MPRIP: variants seen among roughly 807,000 people sequenced by gnomAD.
MPRIP encodes myosin phosphatase Rho-interacting protein.
MPRIP carries 59 observed loss-of-function variants against 234.9 expected under a neutral mutation model. The ratio of observed to expected loss-of-function variants is 0.25; its 90% confidence interval spans 0.20 to 0.31. The LOEUF is 0.31. MPRIP is among the 10% of genes least tolerant of loss of function. The pLI, the probability that MPRIP is intolerant of heterozygous loss-of-function variation, is 1.00. For synonymous variants in MPRIP, 1,144 were observed against 1,263.9 expected (o/e 0.91, Z 2.01); for missense variants, 2,436 against 3,071.0 (o/e 0.79, Z 4.89).
intron 3 of MPRIP, among the ~76,000 whole-genome samples, chr17:17,094,616 ACTGT>A (rs1202154248): frequency 9.1e-5 from 11 of 121,388 alleles, no homozygotes; most frequent in Non-Finnish European, 1.9e-4. Flanking sequence ...TCCTCTCTTC[ACTGT>A]CTTTTTTTTT....
rs189179692 is a variant in MPRIP, at chr17:17,094,050, C to A, written c.267+15974C>A. ...TGACCTTCCCCATCATCCTGGGAAG[C>A]CTCTCTCTCTTTCTCTCTCTCTCTT... On this transcript the variant is annotated intron_variant, in intron 3 of 23. Transcript: ENST00000651222. Among the ~76,000 whole-genome samples, 322 of 152,232 alleles carry A rather than the reference C, an allele frequency of 2.1e-3. 2 individuals are homozygous for A. Among genetic ancestry groups the A allele is most frequent in the Non-Finnish European group, 2.9e-3 (194 of 68,014 alleles).
At chr17:17,174,947 A>G (rs1049481900) in intron 19 of MPRIP, among the ~76,000 whole-genome samples, 2 of 152,210 alleles carry the variant, frequency 1.3e-5, no homozygotes, top group African/African-American at 4.8e-5. Context: ...CCTGCCCTGC[A>G]CAAACACCCC....
At chr17:17,111,520 A>G (rs377306006) in intron 3 of MPRIP, among the ~76,000 whole-genome samples, 2 of 152,272 alleles carry the variant, frequency 1.3e-5, no homozygotes, top group Admixed American at 6.5e-5. Context: ...CTGTGTGTCC[A>G]GGGGGGTCTC....
chr17:17,062,380 C>T (rs1441388781), intron 1 of MPRIP, among the ~76,000 whole-genome samples: 1 of 152,192 alleles, frequency 6.6e-6, no homozygotes, highest in Non-Finnish European at 1.5e-5. Flanking sequence ...AAGCAAAAGC[C>T]CCCAAACCTG....
intron 12 of MPRIP, among the ~76,000 whole-genome samples, chr17:17,151,105 C>T (rs924756118): frequency 4.0e-5 from 6 of 151,766 alleles, no homozygotes; most frequent in East Asian, 1.9e-4. Context: ...CCCTGGGCTC[C>T]AGCGATCCAC....
intron 12 of MPRIP, among the ~76,000 whole-genome samples, chr17:17,153,433 C>A (rs1172305751): frequency 6.6e-6 from 1 of 152,022 alleles, no homozygotes; most frequent in Non-Finnish European, 1.5e-5. Flanking sequence ...GCCTCCAGCT[C>A]CATGCAGGCC....
intron 3 of MPRIP, among the ~76,000 whole-genome samples, chr17:17,092,273 G>C (rs1256847040): frequency 6.6e-6 from 1 of 152,216 alleles, no homozygotes; most frequent in African/African-American, 2.4e-5. Context: ...TCTTTCTCAT[G>C]GTCTGAGGCG....
At chr17:17,068,313 G>A (rs1315929786) in intron 1 of MPRIP, among the ~76,000 whole-genome samples, 2 of 151,888 alleles carry the variant, frequency 1.3e-5, no homozygotes, top group East Asian at 3.9e-4. Context: ...ACTACGCCCG[G>A]CTAATTTTAT....
chr17:17,065,140 C>T (rs2088982461), intron 1 of MPRIP, among the ~76,000 whole-genome samples: 1 of 152,026 alleles, frequency 6.6e-6, no homozygotes, highest in Non-Finnish European at 1.5e-5. Flanking sequence ...TGTGTTTTCA[C>T]TATTGAGTTT....
intron 3 of MPRIP, among the ~76,000 whole-genome samples, chr17:17,108,165 G>C (rs574977874): frequency 1.4e-4 from 21 of 152,308 alleles, no homozygotes; most frequent in Non-Finnish European, 2.4e-4. Flanking sequence ...TCAGGGTACT[G>C]TCCCCAAGCA....
chr17:17,058,667 G>A (rs1471527736), intron 1 of MPRIP, among the ~76,000 whole-genome samples: 1 of 152,196 alleles, frequency 6.6e-6, no homozygotes, highest in African/African-American at 2.4e-5. Flanking sequence ...GCATTGTTGA[G>A]AGAAAGGTTT....
rs974384784 is a variant in MPRIP at position 17,064,215 on chromosome 17, T to G, written c.124-11495T>G. 5.9e-4 allele frequency among the ~76,000 whole-genome samples: 90 copies of G among 151,708 alleles called. No homozygotes were observed. The East Asian group carries it at 8.7e-3, about 15-fold the overall frequency. On this transcript the variant is annotated intron_variant, in intron 1 of 23. Transcript: ENST00000651222. ...CGGTTTTTTTTGTTTTGTTTTTTTTTTTTTGAGATGGAGTCTATCTCTGTT... is the reference window on the plus strand; with the variant it reads ...CGGTTTTTTTTGTTTTGTTTTTTTTGTTTTGAGATGGAGTCTATCTCTGTT...
At chr17:17,158,332 C>G (rs1384146425) in intron 13 of MPRIP, 100 bp from the exon 14 acceptor site, 1 of 974,598 alleles carries the variant, frequency 1.0e-6, no homozygotes, top group Admixed American at 2.8e-5. Context: ...GGATGTGGTG[C>G]TCACAGGGGC....
At chr17:17,114,142 T>C (rs1361004370) in intron 3 of MPRIP, among the ~76,000 whole-genome samples, 1 of 152,218 alleles carries the variant, frequency 6.6e-6, no homozygotes, top group East Asian at 1.9e-4. Context: ...ATCCTCCTGC[T>C]TTGGCCTTCT....
chr17:17,143,537 C>T lies in MPRIP; in HGVS notation c.1390-19C>T, dbSNP rs575126959. 6.5e-6 allele frequency: 10 copies of T among 1,544,788 alleles called. No homozygotes were observed. The highest frequency in any genetic ancestry group is 2.7e-5 in the African/African-American group (2 of 73,412). On this transcript the variant is annotated intron_variant, in intron 8 of 23. Transcript: ENST00000651222. ...CATTGCCCTGGGCTGCACTGACCAG[C>T]GGCTGCTCTCTGCCACAGGACTTCA... is the stretch of plus-strand genomic sequence containing the variant.
At chr17:17,123,398 C>T (rs1461352643) in intron 3 of MPRIP, among the ~76,000 whole-genome samples, 4 of 152,130 alleles carry the variant, frequency 2.6e-5, no homozygotes, top group Non-Finnish European at 1.5e-5. Flanking sequence ...GCGGTGGCTT[C>T]GCGCCTGTAA....
At chr17:17,125,564 G>A (rs1295472947) in intron 3 of MPRIP, among the ~76,000 whole-genome samples, 1 of 152,256 alleles carries the variant, frequency 6.6e-6, no homozygotes, top group African/African-American at 2.4e-5. Flanking sequence ...AGGAGCTTGA[G>A]GTGGAGGGAC....
At chr17:17,172,000 G>GT in intron 17 of MPRIP, 135 bp downstream of exon 17, 1 of 1,117,822 alleles carries the variant, frequency 8.9e-7, no homozygotes, top group Non-Finnish European at 1.3e-6. Flanking sequence ...AGGGTTCTTT[G>GT]ACTATTCACT....
chr17:17,090,996 A>G (rs1337019577), intron 3 of MPRIP, among the ~76,000 whole-genome samples: 2 of 151,328 alleles, frequency 1.3e-5, no homozygotes, highest in Non-Finnish European at 2.9e-5. Context: ...CAGGTGGCCA[A>G]TACCTGTGGA....
Sources: gnomAD v4.1 joint callset for allele counts (sites outside exome capture counted in the v4.1 genomes callset) on GRCh38, gnomAD v4.1.1 for gene constraint, MANE v1.5 for transcripts, NCBI Gene and HGNC (gene_info 2026-07-23, HGNC 2026-07-21) for gene names.